The following RAB27A variants were observed in gnomAD, a reference collection of about 807,000 sequenced individuals.
The protein encoded by RAB27A is RAB27A, member RAS oncogene family.
RAB27A carries 17 observed loss-of-function variants against 20.8 expected under a neutral mutation model. The observed-to-expected ratio is 0.82, with a 90% CI of 0.56 to 1.23. RAB27A has a LOEUF of 1.23. Ranked by LOEUF, RAB27A falls within the 50% of genes most tolerant of loss-of-function variation. RAB27A has a pLI of 0.00. For missense variants in RAB27A, 277 were observed against 266.7 expected (o/e 1.04, Z -0.27); for synonymous variants, 85 against 92.8 (o/e 0.92, Z 0.48).
rs772282429 is a variant in RAB27A, at chr15:55,205,535, T to C, written c.638A>G (p.Glu213Gly). 1 of 1,614,142 alleles carries C rather than the reference T, an allele frequency of 6.2e-7. No individual in the cohort carries two copies. The highest frequency in any genetic ancestry group is 8.5e-7 in the Non-Finnish European group (1 of 1,179,992). ...ACAGCCACATGCCCCTTTCTCCTTT[T>C]CTTCACTTAACTGATCCGTAGAGGC... ...GHASTDQLSEEKEKGACGC is the reference protein window; with the variant it reads ...GHASTDQLSEGKEKGACGC Residue 213 changes from glutamate to glycine, a missense_variant, in exon 7 of 7, where the codon GAA becomes GGA. Transcript: ENST00000336787.
intron 6 of RAB27A, among the ~76,000 whole-genome samples, chr15:55,206,744 T>C (rs1429559438): frequency 6.6e-6 from 1 of 152,160 alleles, no homozygotes; most frequent in Non-Finnish European, 1.5e-5. Flanking sequence ...TACAACAGTC[T>C]TATCTTTTTG....
chr15:55,220,227 A>C (rs902527674), intron 6 of RAB27A, among the ~76,000 whole-genome samples: 1 of 152,028 alleles, frequency 6.6e-6, no homozygotes, highest in African/African-American at 2.4e-5. Flanking sequence ...TTGTAAACCA[A>C]TGATCTGGGG....
chr15:55,315,053 A>T (rs142348323), intron 1 of RAB27A, among the ~76,000 whole-genome samples: 7,602 of 152,310 alleles, frequency 0.05, 265 homozygotes, highest in East Asian at 0.15. Context: ...TGGTACTGGT[A>T]CCAAAACAGA....
chr15:55,306,007 A>G (rs2054995196), intron 2 of RAB27A, among the ~76,000 whole-genome samples: 1 of 151,722 alleles, frequency 6.6e-6, no homozygotes, highest in Non-Finnish European at 1.5e-5. Context: ...CATGGGGGGC[A>G]CTAAGAATGA....
At chr15:55,264,667 T>C (rs1378450152) in intron 2 of RAB27A, among the ~76,000 whole-genome samples, 1 of 152,150 alleles carries the variant, frequency 6.6e-6, no homozygotes, top group Admixed American at 6.5e-5. Flanking sequence ...CCAAAATCTG[T>C]TAATAATTTT....
At chr15:55,212,191 C>T (rs1040101531) in intron 6 of RAB27A, among the ~76,000 whole-genome samples, 1 of 152,070 alleles carries the variant, frequency 6.6e-6, no homozygotes, top group African/African-American at 2.4e-5. Context: ...ACAATATTCC[C>T]ATTTCACAAA....
At chr15:55,217,737 T>C (rs1235111692) in intron 6 of RAB27A, among the ~76,000 whole-genome samples, 1 of 130,628 alleles carries the variant, frequency 7.7e-6, no homozygotes, top group Non-Finnish European at 1.6e-5. Flanking sequence ...ATAGAAAGAG[T>C]GCTATTGTTC....
intron 6 of RAB27A, among the ~76,000 whole-genome samples, chr15:55,213,917 C>T (rs1033404693): frequency 6.6e-6 from 1 of 152,202 alleles, no homozygotes; most frequent in Non-Finnish European, 1.5e-5. Context: ...TCCAAAACCA[C>T]CCACACCTCC....
intron 1 of RAB27A, among the ~76,000 whole-genome samples, chr15:55,274,502 G>T (rs760483189): frequency 2.0e-5 from 3 of 149,278 alleles, no homozygotes; most frequent in Non-Finnish European, 4.5e-5. Context: ...AACTGGCTGG[G>T]TGCGGTGGTT....
chr15:55,221,669 T>C (rs1316276946), intron 6 of RAB27A, among the ~76,000 whole-genome samples: 1 of 152,108 alleles, frequency 6.6e-6, no homozygotes, highest in African/African-American at 2.4e-5. Context: ...CTGGTTAGGG[T>C]GGGCCACAAA....
intron 2 of RAB27A, among the ~76,000 whole-genome samples, chr15:55,313,168 T>C (rs1363401808): frequency 2.0e-5 from 3 of 152,210 alleles, no homozygotes; most frequent in Admixed American, 6.5e-5. Flanking sequence ...AGAATCCTAG[T>C]GCTTTGGGAG....
intron 2 of RAB27A, among the ~76,000 whole-genome samples, chr15:55,267,858 G>A (rs775033444): frequency 6.6e-5 from 10 of 152,178 alleles, no homozygotes; most frequent in Admixed American, 6.5e-4. Context: ...CCTAGTTGCC[G>A]TGACGCCATC....
intron 6 of RAB27A, among the ~76,000 whole-genome samples, chr15:55,211,341 G>C (rs1416945999): frequency 6.6e-6 from 1 of 151,904 alleles, no homozygotes; most frequent in Admixed American, 6.6e-5. Context: ...AAATTGCTTT[G>C]GGAAGTGTTA....
At chr15:55,311,280 C>T (rs925337107) in intron 2 of RAB27A, among the ~76,000 whole-genome samples, 1 of 152,184 alleles carries the variant, frequency 6.6e-6, no homozygotes, top group Non-Finnish European at 1.5e-5. Context: ...ACATAGCCAT[C>T]AGGGTTATCT....
At chr15:55,282,082 T>C (rs992075848) in intron 1 of RAB27A, among the ~76,000 whole-genome samples, 21 of 152,286 alleles carry the variant, frequency 1.4e-4, no homozygotes, top group African/African-American at 5.1e-4. Context: ...TGCTTTAACA[T>C]AGGGAAATCA....
At chr15:55,298,204 CAAA>C (rs545657585) in intron 2 of RAB27A, among the ~76,000 whole-genome samples, 2 of 63,492 alleles carry the variant, frequency 3.1e-5, no homozygotes, top group Non-Finnish European at 6.7e-5. Context: ...GACTCCGTCT[CAAA>C]AAAAAAAAAA....
intron 2 of RAB27A, among the ~76,000 whole-genome samples, chr15:55,306,311 G>C (rs968631899): frequency 6.6e-6 from 1 of 152,158 alleles, no homozygotes; most frequent in Non-Finnish European, 1.5e-5. Context: ...TAAGTGCAGA[G>C]GGAGGCACAT....
intron 2 of RAB27A, among the ~76,000 whole-genome samples, chr15:55,261,103 A>T (rs983374486): frequency 2.6e-5 from 4 of 152,100 alleles, no homozygotes; most frequent in African/African-American, 9.7e-5. Flanking sequence ...TGCTCTAAAA[A>T]CTAAAACTCG....
chr15:55,278,701 C>T (rs1278801555), intron 1 of RAB27A, among the ~76,000 whole-genome samples: 3 of 152,096 alleles, frequency 2.0e-5, no homozygotes, highest in African/African-American at 7.2e-5. Context: ...CCAGGATGGT[C>T]TCGATCTCCT....
Sources: gnomAD v4.1 joint callset for allele counts (sites outside exome capture counted in the v4.1 genomes callset) on GRCh38, gnomAD v4.1.1 for gene constraint, MANE v1.5 for transcripts, NCBI Gene and HGNC (gene_info 2026-07-23, HGNC 2026-07-21) for gene names.